HACL1: variants seen among roughly 807,000 people sequenced by gnomAD.
HACL1 encodes 1600020H07Rik.
A neutral mutation model predicts 74.2 loss-of-function variants in HACL1; 64 were observed. The ratio of observed to expected loss-of-function variants is 0.86; its 90% CI spans 0.70 to 1.06. The LOEUF is 1.06. Among genes scored for constraint, HACL1 ranks in the 50% least tolerant of loss-of-function variants. The pLI, the probability that HACL1 is intolerant of heterozygous loss-of-function variation, is 0.00. For synonymous variants in HACL1, 230 were observed against 238.8 expected, an observed-to-expected ratio of 0.96 and a Z score of 0.34; for missense variants, 728 against 719.7, an observed-to-expected ratio of 1.01 and a Z score of -0.13.
rs917611059 is a variant in HACL1, at chr3:15,601,309, C to T, written c.81+74G>A. 3.1e-6 allele frequency: 5 copies of T among 1,599,874 alleles called. No homozygotes were observed. In the African/African-American group the frequency reaches 4.0e-5, roughly 13 times the overall value. ...CCCCGACCCCCATCGCCCATTTCTACTCGTCTCCAAGACAACATCGCGGTC... is the reference window on the plus strand; with the variant it reads ...CCCCGACCCCCATCGCCCATTTCTATTCGTCTCCAAGACAACATCGCGGTC... On this transcript the variant is annotated intron_variant, in intron 1 of 16. Coordinates refer to ENST00000321169, the MANE Select transcript of HACL1 (RefSeq NM_012260.4).
intron 3 of HACL1, among the ~76,000 whole-genome samples, chr3:15,592,028 C>CATACGTATAT (rs200229639): frequency 0.014 from 1,842 of 135,734 alleles, 72 homozygotes; most frequent in African/African-American, 0.049. Context: ...ACACACACTA[C>CATACGTATAT]ATACGTATAT....
intron 7 of HACL1, among the ~76,000 whole-genome samples, chr3:15,584,004 T>C (rs988199650): frequency 1.3e-5 from 2 of 152,198 alleles, no homozygotes; most frequent in South Asian, 2.1e-4. Flanking sequence ...TATCATAATA[T>C]GCATTAGTAA....
intron 4 of HACL1, among the ~76,000 whole-genome samples, chr3:15,591,158 T>C (rs958100378): frequency 1.3e-5 from 2 of 152,216 alleles, no homozygotes; most frequent in African/African-American, 4.8e-5. Flanking sequence ...TTTTAAGTTA[T>C]ATCTATTTAA....
In HACL1 at chr3:15,601,403, C is replaced by T. The variant is rs199768149; in HGVS notation, c.61G>A (p.Ala21Thr). The T allele has an allele frequency of 8.1e-6, 13 of 1,614,090 alleles. No homozygotes were observed. Among genetic ancestry groups the T allele is most frequent in the South Asian group, 6.6e-5 (6 of 91,088 alleles). ...CGTACTTGCGTTTTCAGGGCCTGAG[C>T]GATGACTTTAGCACCAGACACCTGC... ...EEQVSGAKVI[A>T]QALKTQDVEY... The change falls in exon 1 of 17, where the codon GCT (alanine) becomes ACT (threonine). Residue 21 changes from alanine to threonine, a missense_variant. By Grantham distance (58) the Ala-to-Thr change is moderately conservative. Coordinates refer to ENST00000321169, the MANE Select transcript of HACL1 (RefSeq NM_012260.4).
intron 12 of HACL1, among the ~76,000 whole-genome samples, chr3:15,570,875 C>T (rs774448724): frequency 6.6e-6 from 1 of 151,222 alleles, no homozygotes; most frequent in East Asian, 1.9e-4. Flanking sequence ...TTTTATGAAA[C>T]AGCTATTATA....
Position 15,575,064 on chromosome 3 carries a change from A to G in HACL1, c.822T>C (p.Asp274=), listed in dbSNP as rs2063598827. 6.4e-7 allele frequency: 1 copy of G among 1,572,104 alleles called. No individual in the cohort carries two copies. The highest frequency in any genetic ancestry group is 8.7e-7 in the Non-Finnish European group (1 of 1,143,194). The stretch of plus-strand genomic sequence containing the variant: ...GTCTGGCACCAAATAACACAATTAC[A>G]TCAGCAAATTGCAAAGCCCTATTAA... ...AARSRALQFA[D]VIVLFGARLN... Residue 274 remains aspartate, a synonymous_variant, in exon 10 of 17, where the codon GAT becomes GAC. Coordinates refer to ENST00000321169, the MANE Select transcript of HACL1 (RefSeq NM_012260.4).
intron 3 of HACL1, 84 bp from the exon 4 acceptor site, chr3:15,591,764 G>A (rs2125277826): frequency 3.9e-6 from 3 of 772,252 alleles, no homozygotes; most frequent in East Asian, 2.8e-5. Context: ...TGGCAATCTT[G>A]GACTTCAAAG....
At chr3:15,583,069 T>C in intron 7 of HACL1, 80 bp from the exon 8 acceptor site, 2 of 669,860 alleles carry the variant, frequency 3.0e-6, no homozygotes, top group Non-Finnish European at 5.3e-6. Context: ...TATAGAAAGG[T>C]AGAAAAAATA....
chr3:15,568,737 T>C (rs62243579), intron 12 of HACL1, 151 bp from the exon 13 acceptor site: 23,951 of 587,790 alleles, frequency 0.041, 646 homozygotes, highest in Non-Finnish European at 0.055. Flanking sequence ...CTCTGAGAAG[T>C]TGGCTGACCT....
intron 2 of HACL1, among the ~76,000 whole-genome samples, chr3:15,599,016 G>A (rs1488751740): frequency 2.0e-5 from 3 of 152,178 alleles, no homozygotes; most frequent in Non-Finnish European, 4.4e-5. Context: ...ATCTCCAGAG[G>A]AGCCTGCCTC....
chr3:15,567,241 C>G (rs1050384710), intron 14 of HACL1, among the ~76,000 whole-genome samples: 16 of 106,318 alleles, frequency 1.5e-4, no homozygotes, highest in African/African-American at 6.0e-4. Flanking sequence ...GATGGAGTCT[C>G]GCTCTGTCAC....
chr3:15,576,778 C>A (rs754128506), intron 9 of HACL1, among the ~76,000 whole-genome samples: 23 of 152,076 alleles, frequency 1.5e-4, no homozygotes, highest in Non-Finnish European at 2.8e-4. Context: ...TCTGTATCTA[C>A]TGCTTTTGTC....
intron 11 of HACL1, among the ~76,000 whole-genome samples, chr3:15,572,926 A>G (rs1319039816): frequency 6.6e-6 from 1 of 152,268 alleles, no homozygotes; most frequent in African/African-American, 2.4e-5. Context: ...GAAAGATGTT[A>G]CATTTTCAAT....
intron 12 of HACL1, among the ~76,000 whole-genome samples, chr3:15,569,381 C>G (rs540212514): frequency 4.5e-4 from 68 of 152,312 alleles, no homozygotes; most frequent in African/African-American, 1.5e-3. Context: ...TGATATGACT[C>G]AGGAAATAAA....
intron 7 of HACL1, among the ~76,000 whole-genome samples, chr3:15,584,176 A>G (rs2063755810): frequency 6.6e-6 from 1 of 152,232 alleles, no homozygotes; most frequent in African/African-American, 2.4e-5. Flanking sequence ...AATTTAGAAG[A>G]AGGCTTACAG....
Position 15,563,388 on chromosome 3 carries a change from C to T in HACL1, c.1674G>A (p.Met558Ile), listed in dbSNP as rs1207576093. 1 of 1,613,742 alleles carries T rather than the reference C, an allele frequency of 6.2e-7. No homozygotes were observed. The highest frequency in any genetic ancestry group is 2.2e-5 in the East Asian group (1 of 44,880). ...DTTKPSLINIMIEPQATRKAQ... is the reference protein window; with the variant it reads ...DTTKPSLINIIIEPQATRKAQ... ...CCTTCCGTGTGGCTTGTGGCTCAAT[C>T]ATGATGTTGATAAGAGAAGGTTTAG... is the stretch of plus-strand genomic sequence containing the variant. Residue 558 changes from methionine to isoleucine, a missense_variant, in exon 16 of 17, where the codon ATG (methionine) becomes ATA (isoleucine). Transcript: ENST00000321169.
chr3:15,591,964 AGT>A (rs1286296009), intron 3 of HACL1, among the ~76,000 whole-genome samples: 2 of 149,274 alleles, frequency 1.3e-5, no homozygotes, highest in African/African-American at 5.0e-5. Context: ...CTATATACAT[AGT>A]GTATATATAT....
chr3:15,581,423 G>A (rs2063714759), intron 8 of HACL1, among the ~76,000 whole-genome samples: 1 of 151,988 alleles, frequency 6.6e-6, no homozygotes, highest in Non-Finnish European at 1.5e-5. Flanking sequence ...TCATGCACTT[G>A]CAGATTCAAT....
intron 2 of HACL1, 134 bp from the exon 3 acceptor site, chr3:15,596,558 A>C: frequency 1.6e-6 from 1 of 611,200 alleles, no homozygotes. Context: ...CCTTAGTAAT[A>C]AATGTTCTAC....
Sources: allele counts gnomAD v4.1 joint callset (sites outside exome capture counted in the v4.1 genomes callset), GRCh38; gene constraint gnomAD v4.1.1; transcripts MANE v1.5; gene names NCBI Gene and HGNC (gene_info 2026-07-23, HGNC 2026-07-21).